The following KICS2 variants were observed in gnomAD, a reference collection of about 807,000 sequenced individuals.
KICS2 encodes the protein KICSTOR complex protein C12orf66.
Under a neutral mutation model 31.4 loss-of-function variants are expected in KICS2, and 13 were observed. The observed-to-expected ratio is 0.41, with a 90% CI of 0.27 to 0.66. KICS2 has a LOEUF of 0.66. KICS2 is among the 30% of genes least tolerant of loss of function. The pLI, the probability that KICS2 is intolerant of heterozygous loss-of-function variation, is 0.28. For synonymous variants in KICS2, 209 were observed against 214.8 expected (o/e 0.97, Z 0.24); for missense variants, 455 against 545.4 (o/e 0.83, Z 1.65).
intron 2 of KICS2, among the ~76,000 whole-genome samples, chr12:64,207,783 A>G (rs1451849299): frequency 2.0e-5 from 3 of 152,182 alleles, no homozygotes; most frequent in Non-Finnish European, 2.9e-5. Flanking sequence ...GCCTGCAAAC[A>G]CACAAGTGTA....
chr12:64,187,814 T>C (rs908568044), downstream of KICS2: 2 of 158,162 alleles, frequency 1.3e-5, no homozygotes, highest in African/African-American at 2.4e-5. Context: ...AATGCTTTTA[T>C]ACAATAATTA....
downstream of KICS2, among the ~76,000 whole-genome samples, chr12:64,190,419 T>C (rs2037369945): frequency 6.7e-6 from 1 of 149,786 alleles, no homozygotes; most frequent in Non-Finnish European, 1.5e-5. Context: ...GGGTGGACAT[T>C]CACCTGAAGG....
Position 64,193,488 on chromosome 12 carries a change from G to A in KICS2, c.*354C>T, listed in dbSNP as rs1414908008. 1 of 1,019,880 alleles carries A rather than the reference G, an allele frequency of 9.8e-7. No homozygotes were observed. Among genetic ancestry groups the A allele is most frequent in the Non-Finnish European group, 1.2e-6 (1 of 852,716 alleles). 63.2% of individuals were successfully genotyped at this position (1,019,880 alleles called of 1,614,324 possible). A position where few individuals can be genotyped will look rare whatever the true frequency, so the allele number is the denominator to read the frequency against. On this transcript the variant is annotated 3_prime_UTR_variant, in exon 3 of 3. Transcript: ENST00000398055. Reference sequence around the variant, plus strand: ...AAGGAGGGAAACAGAGAGGCTGTTTGGAATTGCAGTAGAACACAATGTTTA... The same window carrying A: ...AAGGAGGGAAACAGAGAGGCTGTTTAGAATTGCAGTAGAACACAATGTTTA...
intron 2 of KICS2, among the ~76,000 whole-genome samples, chr12:64,213,185 G>C (rs566703434): frequency 3.9e-5 from 6 of 152,074 alleles, no homozygotes; most frequent in Admixed American, 6.6e-5. Context: ...ATGTATGTAT[G>C]TGGTTGTAGG....
chr12:64,193,410 GTTC>G lies in KICS2; in HGVS notation c.*429_*431del. ...TAATTTATGAGACAGAAAACATATA[GTTC>G]TTAATTCTAAAAAGGCCATTTAATA... On this transcript the variant is annotated 3_prime_UTR_variant, in exon 3 of 3. Transcript: ENST00000398055. 1 of 987,408 alleles carries G rather than the reference GTTC, an allele frequency of 1.0e-6. No homozygotes were observed. Among genetic ancestry groups the G allele is most frequent in the Non-Finnish European group, 1.2e-6 (1 of 831,334 alleles). The allele number at this position is 987,408 out of a possible 1,614,324, so 61.2% of individuals were successfully genotyped here. A position where few individuals can be genotyped will look rare whatever the true frequency, so the allele number is the denominator to read the frequency against.
Position 64,193,459 on chromosome 12 carries a change from C to T in KICS2, c.*383G>A. ...TAATATCTCATCCCTATTACTCTTC[C>T]AAGAAGGAGGGAAACAGAGAGGCTG... On this transcript the variant is annotated 3_prime_UTR_variant, in exon 3 of 3. Transcript: ENST00000398055. 2.0e-6 allele frequency: 2 copies of T among 1,003,856 alleles called. No homozygotes were observed. Among genetic ancestry groups the T allele is most frequent in the Admixed American group, 5.6e-5 (1 of 17,844 alleles). 62.2% of individuals were successfully genotyped at this position (1,003,856 alleles called of 1,614,324 possible). A position where few individuals can be genotyped will look rare whatever the true frequency, so the allele number is the denominator to read the frequency against.
intron 2 of KICS2, among the ~76,000 whole-genome samples, chr12:64,212,137 A>AT (rs76059015): frequency 3.3e-5 from 5 of 151,520 alleles, no homozygotes; most frequent in African/African-American, 1.2e-4. Context: ...TTGTACAGTC[A>AT]TTTTTTTTTA....
In KICS2 at chr12:64,194,211, C is replaced by T. The variant is rs748044370; in HGVS notation, c.969G>A (p.Glu323=). ...VSLIFDNRGS[E]SFQGHGYHHP... is the part of the protein sequence containing the mutation. ...GGTGATAACCATGACCCTGAAAACT[C>T]TCAGAACCTCTGTTGTCAAAAATTA... Residue 323 remains glutamate, a synonymous_variant, in exon 3 of 3, where the codon GAG becomes GAA. Coordinates refer to ENST00000398055, the MANE Select transcript of KICS2 (RefSeq NM_152440.5). 6.2e-7 allele frequency: 1 copy of T among 1,614,204 alleles called. No individual in the cohort carries two copies. Among genetic ancestry groups the T allele is most frequent in the Admixed American group, 1.7e-5 (1 of 60,030 alleles).
chr12:64,220,908 G>T (rs2037675505), intron 1 of KICS2, among the ~76,000 whole-genome samples: 1 of 151,998 alleles, frequency 6.6e-6, no homozygotes, highest in Admixed American at 6.6e-5. Flanking sequence ...GTAAAAAGGG[G>T]AGGAAAAAAA....
chr12:64,189,107 C>T (rs908902721), downstream of KICS2, among the ~76,000 whole-genome samples: 3 of 151,942 alleles, frequency 2.0e-5, no homozygotes, highest in Admixed American at 6.6e-5. Context: ...GAGCCGAGAT[C>T]GTGCCATTGC....
chr12:64,208,784 C>A (rs2037561044), intron 2 of KICS2, among the ~76,000 whole-genome samples: 1 of 151,756 alleles, frequency 6.6e-6, no homozygotes. Context: ...CAATTAAAAT[C>A]ATGGAATGGT....
rs1165481951 is a variant in KICS2, at chr12:64,191,205, TA to T, written c.*2636del. The stretch of plus-strand genomic sequence containing the variant: ...CTTGAACCAAATTATGTGGAGTTTT[TA>T]TAATTAGAAAACTTTATTGAAGAGC... On this transcript the variant is annotated 3_prime_UTR_variant, in exon 3 of 3. Transcript: ENST00000398055. The T allele has an allele frequency of 6.6e-6, 1 of 152,218 alleles. No individual in the cohort carries two copies. The highest frequency in any genetic ancestry group is 1.5e-5 in the Non-Finnish European group (1 of 68,038). 9.4% of individuals were successfully genotyped at this position (152,218 alleles called of 1,614,324 possible). A position where few individuals can be genotyped will look rare whatever the true frequency, so the allele number is the denominator to read the frequency against.
intron 2 of KICS2, among the ~76,000 whole-genome samples, chr12:64,201,617 A>AG (rs1466825496): frequency 2.8e-3 from 343 of 120,514 alleles, no homozygotes; most frequent in South Asian, 4.7e-3. Context: ...AAAAAAAAAA[A>AG]AGAAAAAAAA....
At chr12:64,201,742 C>A (rs1166464462) in intron 2 of KICS2, among the ~76,000 whole-genome samples, 4 of 151,300 alleles carry the variant, frequency 2.6e-5, no homozygotes, top group Non-Finnish European at 5.9e-5. Flanking sequence ...ACTCTGGAGG[C>A]TGAGGCACGA....
Position 64,193,712 on chromosome 12 carries a change from G to A in KICS2, c.*130C>T, listed in dbSNP as rs1483675683. 1 of 1,443,938 alleles carries A rather than the reference G, an allele frequency of 6.9e-7. No homozygotes were observed. The highest frequency in any genetic ancestry group is 2.5e-5 in the East Asian group (1 of 40,218). The allele number at this position is 1,443,938 out of a possible 1,614,324, so 89.4% of individuals were successfully genotyped here. A position where few individuals can be genotyped will look rare whatever the true frequency, so the allele number is the denominator to read the frequency against. ...TTGCTTATAAAGTGTGCAACACAGGGAGGATTTGTCTTTAATTTAGTTCTG... is the reference window on the plus strand; with the variant it reads ...TTGCTTATAAAGTGTGCAACACAGGAAGGATTTGTCTTTAATTTAGTTCTG... On this transcript the variant is annotated 3_prime_UTR_variant, in exon 3 of 3. Coordinates refer to ENST00000398055, the MANE Select transcript of KICS2 (RefSeq NM_152440.5).
chr12:64,194,679 G>T, intron 2 of KICS2, 21 bp from the exon 3 acceptor site: 1 of 1,575,892 alleles, frequency 6.3e-7, no homozygotes. Flanking sequence ...GAGGGAAATA[G>T]AGATAAGTGG....
downstream of KICS2, among the ~76,000 whole-genome samples, chr12:64,188,314 A>G (rs1228785363): frequency 6.6e-6 from 1 of 152,230 alleles, no homozygotes; most frequent in African/African-American, 2.4e-5. Flanking sequence ...ACCTGAGGTC[A>G]GGAGTTTGAG....
intron 2 of KICS2, among the ~76,000 whole-genome samples, chr12:64,205,779 A>AGGAAGGAAAAAG (rs1555181733): frequency 9.0e-5 from 12 of 133,534 alleles, no homozygotes; most frequent in South Asian, 2.4e-4. Flanking sequence ...GAAAAAGGGA[A>AGGAAGGAAAAAG]GGAAGGAAGG....
At chr12:64,212,141 T>G (rs1042996318) in intron 2 of KICS2, among the ~76,000 whole-genome samples, 5 of 152,246 alleles carry the variant, frequency 3.3e-5, no homozygotes, top group Admixed American at 2.0e-4. Flanking sequence ...ACAGTCATTT[T>G]TTTTTAGTAA....
Sources: gnomAD v4.1 joint callset for allele counts (sites outside exome capture counted in the v4.1 genomes callset) on GRCh38, gnomAD v4.1.1 for gene constraint, MANE v1.5 for transcripts, NCBI Gene and HGNC (gene_info 2026-07-23, HGNC 2026-07-21) for gene names.